GYPC: variants seen among roughly 807,000 people sequenced by gnomAD.
GYPC encodes glycophorin C (Gerbich blood group), also known as glycophorin-C.
Under a neutral mutation model 12.6 loss-of-function variants are expected in GYPC, and 14 were observed. The ratio of observed to expected loss-of-function variants is 1.11; its 90% CI spans 0.74 to 1.74. The LOEUF is 1.74. GYPC is among the 40% of genes most tolerant of loss of function. GYPC has a pLI of 0.00. For missense variants in GYPC, 225 were observed against 172.1 expected (o/e 1.31, Z -1.72); for synonymous variants, 78 against 62.1 (o/e 1.26, Z -1.20).
intron 2 of GYPC, among the ~76,000 whole-genome samples, chr2:126,692,048 C>T (rs1407468614): frequency 6.6e-5 from 10 of 152,122 alleles, no homozygotes; most frequent in Admixed American, 4.6e-4. Flanking sequence ...TATTGAGTAC[C>T]TACTATGTGC....
At chr2:126,694,747 C>A (rs534095110) in intron 3 of GYPC, among the ~76,000 whole-genome samples, 28 of 151,394 alleles carry the variant, frequency 1.8e-4, no homozygotes, top group Non-Finnish European at 3.4e-4. Context: ...TTCAGACTTT[C>A]CATATTCTTC....
At chr2:126,672,403 G>A (rs1682876673) in intron 1 of GYPC, among the ~76,000 whole-genome samples, 1 of 152,096 alleles carries the variant, frequency 6.6e-6, no homozygotes, top group Admixed American at 6.5e-5. Context: ...ACATTCACCT[G>A]CACACACACA....
At chr2:126,689,996 G>A (rs909857754) in intron 1 of GYPC, among the ~76,000 whole-genome samples, 1 of 152,214 alleles carries the variant, frequency 6.6e-6, no homozygotes, top group Non-Finnish European at 1.5e-5. Flanking sequence ...GAGGCATACT[G>A]CAGAGAACTT....
intron 1 of GYPC, among the ~76,000 whole-genome samples, chr2:126,677,735 T>G (rs1683047182): frequency 6.6e-6 from 1 of 151,352 alleles, no homozygotes; most frequent in Non-Finnish European, 1.5e-5. Context: ...CCGGGAGGGG[T>G]GCTTGGAGTT....
intron 3 of GYPC, among the ~76,000 whole-genome samples, chr2:126,695,139 A>AC (rs1353567478): frequency 6.6e-6 from 1 of 152,152 alleles, no homozygotes; most frequent in Admixed American, 6.5e-5. Flanking sequence ...CCATTGAAAA[A>AC]CACAAACCAC....
At chr2:126,656,748 T>G (rs1379775180) in intron 1 of GYPC, among the ~76,000 whole-genome samples, 1 of 152,230 alleles carries the variant, frequency 6.6e-6, no homozygotes, top group Non-Finnish European at 1.5e-5. Context: ...TCCAGGCAAC[T>G]CCAGCCTTGC....
chr2:126,678,345 C>A (rs527489594), intron 1 of GYPC: 1 of 152,384 alleles, frequency 6.6e-6, no homozygotes, highest in African/African-American at 2.4e-5. Flanking sequence ...CACAGCATCA[C>A]CAACAGCAAT....
At chr2:126,686,220 G>A (rs942641447) in intron 1 of GYPC, 12 of 985,452 alleles carry the variant, frequency 1.2e-5, no homozygotes, top group Non-Finnish European at 1.4e-5. Context: ...CCTGACCCCT[G>A]CTCTCCGTCC....
chr2:126,696,590 G>T lies in GYPC; in HGVS notation c.*448G>T. On this transcript the variant is annotated 3_prime_UTR_variant, in exon 4 of 4. Transcript: ENST00000259254. Reference sequence around the variant, plus strand: ...CCTTGACATTTGGGGGGAACAGCAGGTGCCAGAGCTAAAAGGTACCTTTGT... The same window carrying T: ...CCTTGACATTTGGGGGGAACAGCAGTTGCCAGAGCTAAAAGGTACCTTTGT... The T allele has an allele frequency of 3.9e-6, 1 of 257,856 alleles. No homozygotes were observed. The highest frequency in any genetic ancestry group is 7.7e-6 in the Non-Finnish European group (1 of 130,360). 16.0% of individuals were successfully genotyped at this position (257,856 alleles called of 1,614,324 possible). A position where few individuals can be genotyped will look rare whatever the true frequency, so the allele number is the denominator to read the frequency against.
chr2:126,662,745 C>A (rs1682566635), intron 1 of GYPC, among the ~76,000 whole-genome samples: 1 of 152,194 alleles, frequency 6.6e-6, no homozygotes, highest in African/African-American at 2.4e-5. Flanking sequence ...TACCTCAGGG[C>A]TTTGTTCGGA....
intron 2 of GYPC, among the ~76,000 whole-genome samples, chr2:126,692,983 G>T (rs1490521240): frequency 1.3e-5 from 2 of 152,186 alleles, no homozygotes; most frequent in African/African-American, 2.4e-5. Flanking sequence ...TCATAGGATG[G>T]ATGTGAAGAC....
chr2:126,694,523 C>T (rs969909285), intron 3 of GYPC, among the ~76,000 whole-genome samples: 53 of 152,056 alleles, frequency 3.5e-4, no homozygotes, highest in Non-Finnish European at 6.9e-4. Context: ...ACTCAGGAAA[C>T]ATCTACAATT....
intron 1 of GYPC, among the ~76,000 whole-genome samples, chr2:126,659,489 G>T (rs1348473730): frequency 6.6e-6 from 1 of 152,156 alleles, no homozygotes; most frequent in Non-Finnish European, 1.5e-5. Flanking sequence ...ATCTGTGAGT[G>T]GGAATGATAA....
chr2:126,693,960 C>A lies in GYPC; in HGVS notation c.190+13C>A. 1 of 1,564,902 alleles carries A rather than the reference C, an allele frequency of 6.4e-7. No individual in the cohort carries two copies. The highest frequency in any genetic ancestry group is 8.8e-7 in the Non-Finnish European group (1 of 1,134,972). On this transcript the variant is annotated intron_variant, in intron 3 of 3. Coordinates refer to ENST00000259254, the MANE Select transcript of GYPC (RefSeq NM_002101.5). ...GTCGTCATTGCAGGTGAGCTCTCAT[C>A]ACAGAGCCCTTCAAGCAGCCAGGGT...
chr2:126,667,335 T>C (rs547221168), intron 1 of GYPC, among the ~76,000 whole-genome samples: 1 of 152,208 alleles, frequency 6.6e-6, no homozygotes, highest in African/African-American at 2.4e-5. Context: ...CAGTTAAATA[T>C]TTGGGTCAGT....
intron 1 of GYPC, among the ~76,000 whole-genome samples, chr2:126,684,250 C>T (rs1311054580): frequency 6.6e-6 from 1 of 152,230 alleles, no homozygotes; most frequent in Non-Finnish European, 1.5e-5. Context: ...ACATCAACCT[C>T]ACCTGTGTAT....
chr2:126,689,822 T>TA (rs372939007), intron 1 of GYPC, among the ~76,000 whole-genome samples: 9 of 152,306 alleles, frequency 5.9e-5, no homozygotes, highest in African/African-American at 2.2e-4. Flanking sequence ...CTTTACAAAT[T>TA]ACCCAAGTAT....
rs574789103 is a variant in GYPC at position 126,682,771 on chromosome 2, T to A, written c.50-7484T>A. On this transcript the variant is annotated intron_variant, in intron 1 of 3. Coordinates refer to ENST00000259254, the MANE Select transcript of GYPC (RefSeq NM_002101.5). The stretch of plus-strand genomic sequence containing the variant: ...CCTTTCAACAGTCTGGGCGTTGTCT[T>A]AAGCCTGAGCTTCTTCAGTTGCCTG... Among the ~76,000 whole-genome samples the A allele has an allele frequency of 1.2e-4, 18 of 152,338 alleles. No individual in the cohort carries two copies. In the East Asian group the frequency reaches 3.3e-3, roughly 28 times the overall value.
At chr2:126,684,937 T>C (rs1683243639) in intron 1 of GYPC, among the ~76,000 whole-genome samples, 1 of 152,058 alleles carries the variant, frequency 6.6e-6, no homozygotes, top group East Asian at 1.9e-4. Flanking sequence ...CGCACCATAT[T>C]CTCCTCTCCC....
Sources: gnomAD v4.1 joint callset for allele counts (sites outside exome capture counted in the v4.1 genomes callset) on GRCh38, gnomAD v4.1.1 for gene constraint, MANE v1.5 for transcripts, NCBI Gene and HGNC (gene_info 2026-07-23, HGNC 2026-07-21) for gene names.